CIMIP1: variants seen among roughly 807,000 people sequenced by gnomAD.
CIMIP1 encodes the protein low in lung cancer 1.
the CIMIP1 span, among the ~76,000 whole-genome samples, chr20:58,160,302 C>T: frequency 1.6e-4 from 25 of 152,270 alleles, no homozygotes; most frequent in Non-Finnish European, 3.1e-4. Flanking sequence ...CGTGCACCTG[C>T]CGCAATGCCA....
chr20:58,152,388 G>A, the CIMIP1 span, among the ~76,000 whole-genome samples: 13 of 151,574 alleles, frequency 8.6e-5, no homozygotes, highest in Non-Finnish European at 1.3e-4. Flanking sequence ...GGGTTCAGCC[G>A]TTAAGTGTAA....
the CIMIP1 span, chr20:58,160,828 G>C: frequency 8.7e-6 from 14 of 1,609,264 alleles, no homozygotes; most frequent in Non-Finnish European, 1.2e-5. Flanking sequence ...ACTGAATCCA[G>C]ACGGAGTTCT....
chr20:58,156,148 C>A, the CIMIP1 span, among the ~76,000 whole-genome samples: 1 of 152,120 alleles, frequency 6.6e-6, no homozygotes, highest in Non-Finnish European at 1.5e-5. Flanking sequence ...AAGGCAAGAC[C>A]CCAGCCCACA....
the CIMIP1 span, chr20:58,155,433 C>T: frequency 1.8e-5 from 27 of 1,529,692 alleles, no homozygotes; most frequent in South Asian, 3.4e-5. Flanking sequence ...CCCAGCTTCA[C>T]GTAAGACTTC....
At chr20:58,152,209 T>C in the CIMIP1 span, among the ~76,000 whole-genome samples, 1 of 152,142 alleles carries the variant, frequency 6.6e-6, no homozygotes, top group African/African-American at 2.4e-5. Flanking sequence ...AGTGTCCCAA[T>C]AGGAGATGCT....
At chr20:58,160,539 A>G in the CIMIP1 span, 11 of 1,002,082 alleles carry the variant, frequency 1.1e-5, no homozygotes, top group African/African-American at 1.6e-4. Flanking sequence ...GCTTGTTTTC[A>G]GTACACATCA....
the CIMIP1 span, among the ~76,000 whole-genome samples, chr20:58,151,707 C>T: frequency 6.6e-6 from 1 of 152,050 alleles, no homozygotes; most frequent in Non-Finnish European, 1.5e-5. Context: ...GTCACCGCGC[C>T]TGGCCAAATT....
At chr20:58,152,959 A>G in the CIMIP1 span, among the ~76,000 whole-genome samples, 2 of 152,166 alleles carry the variant, frequency 1.3e-5, no homozygotes, top group African/African-American at 4.8e-5. Flanking sequence ...AGAAACTAGA[A>G]AACTCAAAAC....
At chr20:58,155,601 A>T in the CIMIP1 span, 55 of 1,548,716 alleles carry the variant, frequency 3.6e-5, no homozygotes, top group Middle Eastern at 1.7e-4. Context: ...TCATTTTTTT[A>T]AAATACTCAT....
the CIMIP1 span, among the ~76,000 whole-genome samples, chr20:58,159,583 G>A: frequency 1.3e-5 from 2 of 151,926 alleles, no homozygotes; most frequent in Non-Finnish European, 2.9e-5. Flanking sequence ...TGTTAGTGGT[G>A]GTGTTTTCAT....
the CIMIP1 span, chr20:58,160,925 C>T: frequency 4.6e-6 from 6 of 1,296,190 alleles, no homozygotes; most frequent in South Asian, 1.5e-5. Context: ...GGACACAGTC[C>T]CCTGCGTACT....
the CIMIP1 span, among the ~76,000 whole-genome samples, chr20:58,157,421 G>A: frequency 7.9e-5 from 12 of 152,310 alleles, no homozygotes; most frequent in Non-Finnish European, 1.8e-4. Flanking sequence ...TTCCTCAAAT[G>A]TATGTTCATG....
chr20:58,155,652 T>C, the CIMIP1 span: 1 of 1,142,496 alleles, frequency 8.8e-7, no homozygotes, highest in South Asian at 1.4e-5. Flanking sequence ...AACTGATGGC[T>C]CCAGATGTGC....
the CIMIP1 span, among the ~76,000 whole-genome samples, chr20:58,157,886 T>C: frequency 6.6e-6 from 1 of 152,150 alleles, no homozygotes; most frequent in Non-Finnish European, 1.5e-5. Flanking sequence ...GTGGGACATT[T>C]TTCCAGAGCT....
chr20:58,155,600 T>A, the CIMIP1 span: 177 of 1,549,874 alleles, frequency 1.1e-4, 1 homozygote, highest in African/African-American at 1.5e-3. Flanking sequence ...CTCATTTTTT[T>A]AAAATACTCA....
chr20:58,151,408 T>C, the CIMIP1 span, among the ~76,000 whole-genome samples: 1 of 151,938 alleles, frequency 6.6e-6, no homozygotes, highest in South Asian at 2.1e-4. Flanking sequence ...TGATGATTTT[T>C]GTTTGTTTGT....
At chr20:58,151,046 T>A in the CIMIP1 span, 6 of 1,596,272 alleles carry the variant, frequency 3.8e-6, no homozygotes, top group Non-Finnish European at 5.1e-6. Context: ...ACGCCTGGGA[T>A]CGGGCAACGC....
At chr20:58,159,186 T>C in the CIMIP1 span, among the ~76,000 whole-genome samples, 5 of 147,318 alleles carry the variant, frequency 3.4e-5, no homozygotes, top group South Asian at 6.5e-4. Flanking sequence ...CTTTCTTCTT[T>C]TTTTTTTTTT....
the CIMIP1 span, among the ~76,000 whole-genome samples, chr20:58,157,247 T>C: frequency 6.6e-6 from 1 of 152,158 alleles, no homozygotes; most frequent in Non-Finnish European, 1.5e-5. Flanking sequence ...CTGCTTTACA[T>C]TGGGTGTCTC....
Sources: gnomAD v4.1 joint callset for allele counts (sites outside exome capture counted in the v4.1 genomes callset) on GRCh38, gnomAD v4.1.1 for gene constraint, MANE v1.5 for transcripts, NCBI Gene and HGNC (gene_info 2026-07-23, HGNC 2026-07-21) for gene names.